SERGEF: variants seen among roughly 807,000 people sequenced by gnomAD.
SERGEF encodes secretion-regulating guanine nucleotide exchange factor.
SERGEF carries 51 observed loss-of-function variants against 50.0 expected under a neutral mutation model. The ratio of observed to expected loss-of-function variants is 1.02; its 90% CI spans 0.81 to 1.29. The LOEUF (loss-of-function observed/expected upper bound fraction) is 1.29. Among genes scored for constraint, SERGEF ranks in the 50% most tolerant of loss-of-function variants. The pLI is 0.00. For missense variants in SERGEF, 521 were observed against 557.0 expected (o/e 0.94, Z 0.65); for synonymous variants, 205 against 212.4 (o/e 0.97, Z 0.30).
At chr11:17,852,390 G>C (rs926545631) in intron 10 of SERGEF, among the ~76,000 whole-genome samples, 5 of 152,186 alleles carry the variant, frequency 3.3e-5, no homozygotes, top group African/African-American at 9.7e-5. Flanking sequence ...TTCTGGCTCT[G>C]GGAAGGACCC....
chr11:17,938,875 A>G (rs1241106869), intron 9 of SERGEF, among the ~76,000 whole-genome samples: 2 of 152,228 alleles, frequency 1.3e-5, no homozygotes, highest in Non-Finnish European at 2.9e-5. Context: ...CTTCATGGGT[A>G]TCAGAAGAGG....
intron 10 of SERGEF, among the ~76,000 whole-genome samples, chr11:17,817,596 C>T (rs1189356436): frequency 6.6e-6 from 1 of 152,098 alleles, no homozygotes; most frequent in Non-Finnish European, 1.5e-5. Flanking sequence ...GACAAGAATG[C>T]CAAGACACAC....
intron 10 of SERGEF, among the ~76,000 whole-genome samples, chr11:17,828,331 T>G (rs551219035): frequency 1.3e-5 from 2 of 152,232 alleles, no homozygotes; most frequent in African/African-American, 4.8e-5. Flanking sequence ...TACGCATTCA[T>G]GTGAGCTCCA....
At chr11:17,997,586 T>C (rs368664325) in intron 5 of SERGEF, among the ~76,000 whole-genome samples, 1 of 152,230 alleles carries the variant, frequency 6.6e-6, no homozygotes, top group Admixed American at 6.5e-5. Context: ...CCCATGTTCA[T>C]AGCAGCATTA....
intron 9 of SERGEF, chr11:17,939,664 T>C (rs947957794): frequency 6.6e-6 from 1 of 152,334 alleles, no homozygotes; most frequent in African/African-American, 2.4e-5. Context: ...TCCTGACAGA[T>C]GGGGCAGCCC....
intron 9 of SERGEF, among the ~76,000 whole-genome samples, chr11:17,887,989 G>A (rs968004475): frequency 6.6e-6 from 1 of 152,196 alleles, no homozygotes; most frequent in African/African-American, 2.4e-5. Context: ...ATTACCATCT[G>A]AGCTCCGCCT....
intron 6 of SERGEF, among the ~76,000 whole-genome samples, chr11:17,993,927 C>T (rs1452539497): frequency 2.0e-5 from 3 of 152,082 alleles, no homozygotes; most frequent in South Asian, 2.1e-4. Context: ...CAGGGAACTC[C>T]CCCAAAACCA....
At chr11:17,912,838 A>G (rs1851979994) in intron 9 of SERGEF, among the ~76,000 whole-genome samples, 1 of 152,192 alleles carries the variant, frequency 6.6e-6, no homozygotes, top group South Asian at 2.1e-4. Flanking sequence ...CAGCCTTCAT[A>G]TTTTACATCC....
chr11:17,853,099 C>T lies in SERGEF; in HGVS notation c.1048+25109G>A, dbSNP rs559343277. Among the ~76,000 whole-genome samples the T allele has an allele frequency of 2.0e-5, 3 of 152,214 alleles. No individual in the cohort carries two copies. In the South Asian group the frequency reaches 6.2e-4, roughly 32 times the overall value. ...TATATACTACTACATAATTGTGTGACCCTAGGCAACTCATTTAATCTCTGC... is the reference window on the plus strand; with the variant it reads ...TATATACTACTACATAATTGTGTGATCCTAGGCAACTCATTTAATCTCTGC... On this transcript the variant is annotated intron_variant, in intron 10 of 10. Transcript: ENST00000265965.
intron 9 of SERGEF, among the ~76,000 whole-genome samples, chr11:17,916,607 C>T (rs1852052497): frequency 6.6e-6 from 1 of 152,182 alleles, no homozygotes; most frequent in African/African-American, 2.4e-5. Flanking sequence ...ATCCATTTCA[C>T]AGGATTATTA....
At chr11:17,990,472 C>T (rs1853689962) in intron 7 of SERGEF, among the ~76,000 whole-genome samples, 1 of 152,284 alleles carries the variant, frequency 6.6e-6, no homozygotes, top group South Asian at 2.1e-4. Context: ...AGCAAAGAAG[C>T]CCCCTCAGCA....
At chr11:17,880,428 T>A (rs1014073565) in intron 9 of SERGEF, among the ~76,000 whole-genome samples, 1 of 152,202 alleles carries the variant, frequency 6.6e-6, no homozygotes, top group Non-Finnish European at 1.5e-5. Flanking sequence ...GGTAGAGCCA[T>A]CTGATGGACT....
At chr11:17,821,645 C>T (rs1266401781) in intron 10 of SERGEF, among the ~76,000 whole-genome samples, 1 of 152,168 alleles carries the variant, frequency 6.6e-6, no homozygotes, top group Non-Finnish European at 1.5e-5. Context: ...TAAAATTATC[C>T]TTCAAAACTC....
chr11:17,914,841 A>C (rs1486544963), intron 9 of SERGEF, among the ~76,000 whole-genome samples: 1 of 152,226 alleles, frequency 6.6e-6, no homozygotes, highest in Non-Finnish European at 1.5e-5. Context: ...GTAATATAAT[A>C]GTGATCAACA....
chr11:17,926,477 G>A (rs1407718878), intron 9 of SERGEF, among the ~76,000 whole-genome samples: 3 of 152,172 alleles, frequency 2.0e-5, no homozygotes, highest in Non-Finnish European at 4.4e-5. Context: ...TCCACACCAG[G>A]TGACCTTTAC....
chr11:17,970,231 T>C (rs571337383), intron 8 of SERGEF, among the ~76,000 whole-genome samples: 2 of 152,366 alleles, frequency 1.3e-5, no homozygotes, highest in African/African-American at 2.4e-5. Context: ...TTGGTAATTT[T>C]TGCAATATTT....
intron 9 of SERGEF, among the ~76,000 whole-genome samples, chr11:17,924,804 T>C (rs889134789): frequency 6.6e-6 from 1 of 152,162 alleles, no homozygotes; most frequent in Non-Finnish European, 1.5e-5. Context: ...TCACATAAAG[T>C]GTAGGTCTAT....
chr11:17,992,736 C>A (rs1853743432), intron 7 of SERGEF, among the ~76,000 whole-genome samples, 195 bp downstream of exon 7: 1 of 152,130 alleles, frequency 6.6e-6, no homozygotes, highest in Non-Finnish European at 1.5e-5. Flanking sequence ...CTCGTAACTG[C>A]CCACAAAGTC....
Position 17,995,823 on chromosome 11 carries a change from T to A in SERGEF, c.595A>T (p.Thr199Ser). The A allele has an allele frequency of 3.7e-6, 6 of 1,613,836 alleles. No homozygotes were observed. The highest frequency in any genetic ancestry group is 5.1e-6 in the Non-Finnish European group (6 of 1,179,812). The change falls in exon 6 of 11, where the codon ACA becomes TCA. Residue 199 changes from threonine to serine, a missense_variant. Thr to Ser is a moderately conservative substitution (Grantham distance 58). Coordinates refer to ENST00000265965, the MANE Select transcript of SERGEF (RefSeq NM_012139.4). Reference sequence around the variant, plus strand: ...GTCACTCTGCTTGGTTCCTTTGCTGTGAAAAACAATGGAAGAGTCTGCCCA... The same window carrying A: ...GTCACTCTGCTTGGTTCCTTTGCTGAGAAAAACAATGGAAGAGTCTGCCCA... ...CPGQTLPLFFTAKEPSRVTGL... is the reference protein window; with the variant it reads ...CPGQTLPLFFSAKEPSRVTGL...
Sources: gnomAD v4.1 joint callset for allele counts (sites outside exome capture counted in the v4.1 genomes callset) on GRCh38, gnomAD v4.1.1 for gene constraint, MANE v1.5 for transcripts, NCBI Gene and HGNC (gene_info 2026-07-23, HGNC 2026-07-21) for gene names.